Variants in CNIH3 observed in about 807,000 individuals in gnomAD.
CNIH3 encodes the protein cornichon family AMPA receptor auxiliary protein 3, also known as protein cornichon homolog 3.
CNIH3 carries 14 observed loss-of-function variants against 24.1 expected under a neutral mutation model. The ratio of observed to expected loss-of-function variants is 0.58; its 90% CI spans 0.38 to 0.91. CNIH3 has a LOEUF of 0.91. CNIH3 is among the 40% of genes least tolerant of loss of function. CNIH3 has a pLI of 0.00. For missense variants in CNIH3, 178 were observed against 196.8 expected (o/e 0.90, Z 0.57); for synonymous variants, 68 against 73.8 (o/e 0.92, Z 0.40).
chr1:224,501,093 C>CT (rs984973921), intron 1 of CNIH3, among the ~76,000 whole-genome samples: 6 of 152,068 alleles, frequency 3.9e-5, no homozygotes, highest in African/African-American at 1.4e-4. Flanking sequence ...AAACAGTAAT[C>CT]TTTTTTTTCA....
upstream of CNIH3, among the ~76,000 whole-genome samples, chr1:224,614,404 T>C (rs570383477): frequency 7.6e-4 from 115 of 152,304 alleles, no homozygotes; most frequent in African/African-American, 2.7e-3. Context: ...CCAGGCACTG[T>C]GGTGCACACC....
intron 1 of CNIH3, among the ~76,000 whole-genome samples, chr1:224,638,128 T>C (rs1419114470): frequency 6.6e-6 from 1 of 152,224 alleles, no homozygotes; most frequent in African/African-American, 2.4e-5. Context: ...CGGCTGTGCA[T>C]GTGAGCAGGT....
At chr1:224,645,816 C>G (rs1482826509) in intron 1 of CNIH3, among the ~76,000 whole-genome samples, 1 of 152,214 alleles carries the variant, frequency 6.6e-6, no homozygotes, top group Non-Finnish European at 1.5e-5. Flanking sequence ...AGTACATTTT[C>G]TTTCTCTGGC....
At chr1:224,444,951 T>C (rs938308008) in intron 1 of CNIH3, among the ~76,000 whole-genome samples, 6 of 151,896 alleles carry the variant, frequency 4.0e-5, no homozygotes, top group Admixed American at 2.6e-4. Context: ...CCCTTTTTTT[T>C]TTTTTTTTAG....
chr1:224,675,166 G>A (rs1312964742), intron 1 of CNIH3, among the ~76,000 whole-genome samples: 7 of 152,164 alleles, frequency 4.6e-5, no homozygotes, highest in Middle Eastern at 3.4e-3. Flanking sequence ...GATGAGGGAG[G>A]GTGAAATACA....
intron 1 of CNIH3, among the ~76,000 whole-genome samples, chr1:224,667,470 A>G (rs1280791923): frequency 6.6e-6 from 1 of 152,192 alleles, no homozygotes; most frequent in Non-Finnish European, 1.5e-5. Flanking sequence ...AGAAAGAGAA[A>G]AAGGCAGCGA....
Position 224,516,681 on chromosome 1 carries a change from T to G in CNIH3, n.15+805T>G, listed in dbSNP as rs185868292. Among the ~76,000 whole-genome samples the G allele has an allele frequency of 9.7e-4, 148 of 152,328 alleles. 1 individual carries two copies. The highest frequency in any genetic ancestry group is 3.5e-3 in the African/African-American group (145 of 41,590). ...AGGCCTCCCCAGACAGCCTGGCCCC[T>G]GCATGGGTCTGCACTGCAAGAGCAG... is the stretch of plus-strand genomic sequence containing the variant. On this transcript the variant is annotated intron_variant and non_coding_transcript_variant, in intron 1 of 2. Transcript: ENST00000470602.
intron 3 of CNIH3, among the ~76,000 whole-genome samples, chr1:224,724,751 TCCCAC>T (rs1688926604): frequency 6.6e-6 from 1 of 152,186 alleles, no homozygotes; most frequent in Non-Finnish European, 1.5e-5. Flanking sequence ...TGGTTTCTCT[TCCCAC>T]TTGAGGAAGC....
At chr1:224,656,212 TAATGGG>T (rs1685087254) in intron 1 of CNIH3, among the ~76,000 whole-genome samples, 1 of 152,226 alleles carries the variant, frequency 6.6e-6, no homozygotes, top group African/African-American at 2.4e-5. Flanking sequence ...ATTCCACTTA[TAATGGG>T]AAATACTCAA....
At chr1:224,461,229 G>T (rs186218963) in intron 1 of CNIH3, among the ~76,000 whole-genome samples, 1 of 151,860 alleles carries the variant, frequency 6.6e-6, no homozygotes, top group Non-Finnish European at 1.5e-5. Flanking sequence ...TTTCGAACAC[G>T]TGACCTCAAG....
At chr1:224,508,983 A>G (rs1279893842) in intron 1 of CNIH3, among the ~76,000 whole-genome samples, 1 of 152,200 alleles carries the variant, frequency 6.6e-6, no homozygotes, top group Non-Finnish European at 1.5e-5. Context: ...ATACTAAAAG[A>G]GAGAAGTTGC....
intron 1 of CNIH3, among the ~76,000 whole-genome samples, chr1:224,668,153 T>G (rs1436712566): frequency 1.3e-5 from 2 of 152,212 alleles, no homozygotes; most frequent in Non-Finnish European, 2.9e-5. Context: ...CAGTTATATA[T>G]GTAAGAGAGG....
intron 2 of CNIH3, among the ~76,000 whole-genome samples, chr1:224,543,373 T>C (rs1278422620): frequency 6.6e-6 from 1 of 152,200 alleles, no homozygotes; most frequent in Admixed American, 6.5e-5. Context: ...ACCAGTACTC[T>C]CCTGCGTACT....
intron 4 of CNIH3, among the ~76,000 whole-genome samples, chr1:224,580,557 G>C (rs1681229747): frequency 6.6e-6 from 1 of 152,212 alleles, no homozygotes. Context: ...ACATGAAAAG[G>C]AGGGGTAGGC....
At chr1:224,553,538 A>G (rs1298716563) in intron 3 of CNIH3, among the ~76,000 whole-genome samples, 1 of 151,880 alleles carries the variant, frequency 6.6e-6, no homozygotes, top group African/African-American at 2.4e-5. Flanking sequence ...GGTTCACCAA[A>G]TTTCATTCCT....
In CNIH3 at chr1:224,734,516, C is replaced by T. The variant is rs967559450; in HGVS notation, c.312-47C>T. On this transcript the variant is annotated intron_variant, in intron 4 of 5. Coordinates refer to ENST00000272133, the MANE Select transcript of CNIH3 (RefSeq NM_152495.2). ...TCGGAAGGGTTTGCCCAGGTTACGCCAGAAGTACCAGGACCTCAGAGACAA... is the reference window on the plus strand; with the variant it reads ...TCGGAAGGGTTTGCCCAGGTTACGCTAGAAGTACCAGGACCTCAGAGACAA... 3 of 1,602,448 alleles carry T rather than the reference C, an allele frequency of 1.9e-6. No individual in the cohort carries two copies. In the African/African-American group the frequency reaches 4.0e-5, roughly 21 times the overall value.
chr1:224,513,845 C>T (rs1274713836), upstream of CNIH3: 5 of 152,224 alleles, frequency 3.3e-5, no homozygotes, highest in African/African-American at 1.2e-4. Context: ...GTGGCCCTCC[C>T]AGGCCCTCCG....
chr1:224,723,219 TG>T (rs1346697553), intron 3 of CNIH3, among the ~76,000 whole-genome samples: 1 of 152,174 alleles, frequency 6.6e-6, no homozygotes, highest in Non-Finnish European at 1.5e-5. Flanking sequence ...GGAGCATGTG[TG>T]GCTGGTTGCT....
intron 1 of CNIH3, among the ~76,000 whole-genome samples, chr1:224,631,284 A>G (rs879761504): frequency 6.6e-6 from 1 of 152,156 alleles, no homozygotes; most frequent in African/African-American, 2.4e-5. Context: ...ATGGCAGGCC[A>G]TGCCACCGTG....
Sources: gnomAD v4.1 joint callset for allele counts (sites outside exome capture counted in the v4.1 genomes callset) on GRCh38, gnomAD v4.1.1 for gene constraint, MANE v1.5 for transcripts, NCBI Gene and HGNC (gene_info 2026-07-23, HGNC 2026-07-21) for gene names.